The following CYP2R1 variants were observed in gnomAD, a reference collection of about 807,000 sequenced individuals.
The protein encoded by CYP2R1 is vitamin D 25-hydroxylase.
In CYP2R1, 40 loss-of-function variants were observed where a neutral mutation model predicts 45.7. The ratio of observed to expected loss-of-function variants is 0.87; its 90% CI spans 0.68 to 1.14. CYP2R1 has a LOEUF of 1.14. Among genes scored for constraint, CYP2R1 ranks in the 50% most tolerant of loss-of-function variants. The probability of loss-of-function intolerance (pLI) is 0.00; values close to 1 mark genes in which losing one functional copy is unlikely to be tolerated. For synonymous variants in CYP2R1, 234 were observed against 219.3 expected (o/e 1.07, Z -0.59); for missense variants, 605 against 602.6 (o/e 1.00, Z -0.04).
intron 3 of CYP2R1, among the ~76,000 whole-genome samples, chr11:14,879,727 A>G (rs1486359644): frequency 6.6e-6 from 1 of 152,198 alleles, no homozygotes; most frequent in African/African-American, 2.4e-5. Context: ...TATATGCTAT[A>G]TATCTTGTTC....
chr11:14,889,389 A>G (rs73418671), intron 1 of CYP2R1, among the ~76,000 whole-genome samples: 344 of 152,360 alleles, frequency 2.3e-3, no homozygotes, highest in African/African-American at 7.5e-3. Context: ...AGATCTTTAG[A>G]GATGTTTCAT....
Position 14,892,068 on chromosome 11 carries a change from C to G in CYP2R1, c.138G>C (p.Leu46=). Residue 46 remains leucine (L), a synonymous_variant, in exon 1 of 5, where the codon CTG becomes CTC. Transcript: ENST00000334636. Reference sequence around the variant, plus strand: ...GGGAATAGATGTTGCCGATAAATGGCAGCCCCGGCGGCCCCGGGGGGAAGC... The same window carrying G: ...GGGAATAGATGTTGCCGATAAATGGGAGCCCCGGCGGCCCCGGGGGGAAGC... ...PMGFPPGPPG[L]PFIGNIYSLA... is the part of the protein sequence containing the mutation. The G allele has an allele frequency of 6.2e-7, 1 of 1,612,120 alleles. No homozygotes were observed. Among genetic ancestry groups the G allele is most frequent in the Non-Finnish European group, 8.5e-7 (1 of 1,179,606 alleles).
chr11:14,886,712 A>T (rs1848633523), intron 1 of CYP2R1: 1 of 152,264 alleles, frequency 6.6e-6, no homozygotes, highest in Non-Finnish European at 1.5e-5. Flanking sequence ...GAATGTAAAG[A>T]TTGCTTATTG....
At chr11:14,890,993 C>T in intron 1 of CYP2R1, 1 of 985,434 alleles carries the variant, frequency 1.0e-6, no homozygotes, top group Non-Finnish European at 1.2e-6. Flanking sequence ...TTCTCTCTCC[C>T]ACTCATCTGC....
chr11:14,883,440 T>C (rs1380579962), intron 2 of CYP2R1, among the ~76,000 whole-genome samples: 27 of 152,208 alleles, frequency 1.8e-4, no homozygotes, highest in African/African-American at 6.5e-4. Context: ...GGGAAAAGAT[T>C]CCCTATTTAA....
At chr11:14,884,448 C>T (rs1232076876) in intron 2 of CYP2R1, among the ~76,000 whole-genome samples, 6 of 147,858 alleles carry the variant, frequency 4.1e-5, no homozygotes, top group Admixed American at 7.0e-5. Context: ...AACCAAACAC[C>T]GCATATTCTC....
intron 4 of CYP2R1, among the ~76,000 whole-genome samples, chr11:14,878,784 C>T (rs999762302): frequency 6.6e-6 from 1 of 152,062 alleles, no homozygotes; most frequent in African/African-American, 2.4e-5. Flanking sequence ...TCTAGTTTTA[C>T]TTAAGTGACT....
chr11:14,891,934 G>C (rs782553046), intron 1 of CYP2R1, 47 bp downstream of exon 1: 1 of 1,594,620 alleles, frequency 6.3e-7, no homozygotes. Context: ...TGGCCAGCCC[G>C]GGCCAGCCTG....
At chr11:14,878,859 G>A (rs1848257811) in intron 4 of CYP2R1, among the ~76,000 whole-genome samples, 1 of 151,990 alleles carries the variant, frequency 6.6e-6, no homozygotes, top group East Asian at 1.9e-4. Flanking sequence ...CATTCCACAA[G>A]TTTTGAAAAA....
chr11:14,892,393 C>G (rs1555017573), upstream of CYP2R1: 1 of 626,434 alleles, frequency 1.6e-6, no homozygotes, highest in Non-Finnish European at 2.8e-6. Flanking sequence ...TGAGAGTGGA[C>G]TTTGCGGAGC....
rs782287559 is a variant in CYP2R1, at chr11:14,885,960, A to G, written c.226-43T>C. ...AAACAACATTTAAATGACAGCATGT[A>G]TGGAGAAATATAACCATGGAAATCT... is the stretch of plus-strand genomic sequence containing the variant. On this transcript the variant is annotated intron_variant, in intron 1 of 4. Transcript: ENST00000334636. 1.9e-6 allele frequency: 3 copies of G among 1,585,920 alleles called. No homozygotes were observed. In the African/African-American group the frequency reaches 4.0e-5, roughly 21 times the overall value.
At chr11:14,891,388 G>A in intron 1 of CYP2R1, 2 of 985,660 alleles carry the variant, frequency 2.0e-6, no homozygotes, top group Non-Finnish European at 2.4e-6. Context: ...GACCCCCGCA[G>A]CGGATTTTAG....
Position 14,879,413 on chromosome 11 carries a change from A to G in CYP2R1, c.1031T>C (p.Met344Thr), listed in dbSNP as rs782281251. The G allele has an allele frequency of 3.7e-6, 6 of 1,605,250 alleles. No individual in the cohort carries two copies. In the South Asian group the frequency reaches 6.6e-5, roughly 18 times the overall value. ...GQVQKEIDLI[M>T]GPNGKPSWDD... is the part of the protein sequence containing the mutation. ...CCAAGAAGGCTTCCCATTAGGGCCC[A>G]TAATTAAATCAATCTCTTTCTGAAC... The change falls in exon 4 of 5, where the codon ATG (methionine) becomes ACG (threonine). Residue 344 changes from methionine to threonine, a missense_variant. Met to Thr is a moderately conservative substitution (Grantham distance 81). Coordinates refer to ENST00000334636, the MANE Select transcript of CYP2R1 (RefSeq NM_024514.5).
intron 3 of CYP2R1, 28 bp from the exon 4 acceptor site, chr11:14,879,471 T>A (rs782765760): frequency 3.9e-6 from 6 of 1,543,994 alleles, no homozygotes; most frequent in Non-Finnish European, 3.5e-6. Flanking sequence ...TTCAAGTTAT[T>A]ATGCAGTTCT....
At chr11:14,888,869 G>T (rs1008922774) in intron 1 of CYP2R1, among the ~76,000 whole-genome samples, 2 of 152,146 alleles carry the variant, frequency 1.3e-5, no homozygotes, top group Admixed American at 6.5e-5. Flanking sequence ...TCCATTACCT[G>T]AAAATAATCG....
intron 1 of CYP2R1, 47 bp downstream of exon 1, chr11:14,891,934 G>A (rs782553046): frequency 1.0e-5 from 16 of 1,594,620 alleles, no homozygotes; most frequent in Non-Finnish European, 1.4e-5. Context: ...TGGCCAGCCC[G>A]GGCCAGCCTG....
chr11:14,883,072 T>A (rs1164484145), intron 2 of CYP2R1, among the ~76,000 whole-genome samples: 6 of 152,136 alleles, frequency 3.9e-5, no homozygotes, highest in Non-Finnish European at 7.4e-5. Flanking sequence ...TGCTCATGGG[T>A]AGGAGGAATC....
chr11:14,889,703 C>T (rs868964566), intron 1 of CYP2R1, among the ~76,000 whole-genome samples: 32 of 152,236 alleles, frequency 2.1e-4, no homozygotes, highest in African/African-American at 7.5e-4. Context: ...CATAGTAATA[C>T]CGAGTGTCTT....
intron 1 of CYP2R1, chr11:14,887,150 C>T (rs935961529): frequency 6.6e-6 from 1 of 152,212 alleles, no homozygotes; most frequent in Admixed American, 6.5e-5. Context: ...CAGAAGGGAA[C>T]TTTAGCAGAG....
Sources: allele counts gnomAD v4.1 joint callset (sites outside exome capture counted in the v4.1 genomes callset), GRCh38; gene constraint gnomAD v4.1.1; transcripts MANE v1.5; gene names NCBI Gene and HGNC (gene_info 2026-07-23, HGNC 2026-07-21).